Variants in STAG1 observed in about 807,000 individuals in gnomAD.
The protein encoded by STAG1 is cohesin subunit SA-1.
A neutral mutation model predicts 170.9 loss-of-function variants in STAG1; 26 were observed. That is an observed-to-expected ratio of 0.15 (90% CI 0.11 to 0.21). The LOEUF (loss-of-function observed/expected upper bound fraction) is 0.21. Among genes scored for constraint, STAG1 ranks in the 10% least tolerant of loss-of-function variants. The pLI, the probability that STAG1 is intolerant of heterozygous loss-of-function variation, is 1.00. For missense variants in STAG1, 964 were observed against 1,509.5 expected (o/e 0.64, Z 5.99); for synonymous variants, 514 against 497.7 (o/e 1.03, Z -0.44).
rs558731957 is a variant in STAG1 at position 136,406,329 on chromosome 3, T to C, written c.2197-7500A>G. 7.2e-5 allele frequency among the ~76,000 whole-genome samples: 11 copies of C among 152,306 alleles called. 1 individual carries two copies. In the South Asian group the frequency reaches 2.1e-3, roughly 29 times the overall value. ...GTTACATGCTGTATGATTTCATTTA[T>C]TTGGAAATCTTAGAAAGATGAAACT... On this transcript the variant is annotated intron_variant, in intron 21 of 33. Transcript: ENST00000383202.
chr3:136,720,867 C>A (rs967441979), intron 1 of STAG1, among the ~76,000 whole-genome samples: 25 of 152,096 alleles, frequency 1.6e-4, no homozygotes, highest in Non-Finnish European at 2.8e-4. Flanking sequence ...CACTTATATT[C>A]ATATTTCATA....
chr3:136,650,615 G>C (rs1382222777), intron 1 of STAG1, among the ~76,000 whole-genome samples: 1 of 152,160 alleles, frequency 6.6e-6, no homozygotes, highest in East Asian at 1.9e-4. Flanking sequence ...TGTTAGTCCA[G>C]GGAACTTAAG....
At chr3:136,591,854 C>G (rs1036415866) in intron 4 of STAG1, among the ~76,000 whole-genome samples, 4 of 152,154 alleles carry the variant, frequency 2.6e-5, no homozygotes, top group African/African-American at 9.7e-5. Flanking sequence ...TCATCTTAAC[C>G]TTTTCCTTTA....
At chr3:136,573,747 C>T (rs1327972857) in intron 4 of STAG1, among the ~76,000 whole-genome samples, 7 of 152,060 alleles carry the variant, frequency 4.6e-5, no homozygotes, top group African/African-American at 7.2e-5. Context: ...CCGAAGCGGG[C>T]GGATCACGAG....
intron 15 of STAG1, 50 bp from the exon 16 acceptor site, chr3:136,433,709 C>A: frequency 1.6e-6 from 2 of 1,257,638 alleles, no homozygotes; most frequent in Non-Finnish European, 1.1e-6. Flanking sequence ...TTACAACAAC[C>A]ATGTATTAAA....
intron 13 of STAG1, among the ~76,000 whole-genome samples, chr3:136,464,035 G>A (rs971644390): frequency 3.0e-4 from 45 of 150,860 alleles, no homozygotes; most frequent in Admixed American, 1.2e-3. Flanking sequence ...TCTCATTAAC[G>A]TTATGCTTTA....
chr3:136,499,762 C>T (rs184400317), intron 9 of STAG1: 1 of 150,976 alleles, frequency 6.6e-6, no homozygotes, highest in African/African-American at 2.4e-5. Flanking sequence ...AATGAAGATA[C>T]AGTTGTTGCA....
chr3:136,387,143 G>T (rs1421918021), intron 22 of STAG1, among the ~76,000 whole-genome samples: 1 of 152,174 alleles, frequency 6.6e-6, no homozygotes, highest in East Asian at 1.9e-4. Context: ...CCACTGGTTG[G>T]CAAACTTTTT....
chr3:136,737,634 G>T (rs775488393), intron 1 of STAG1, among the ~76,000 whole-genome samples: 1 of 152,142 alleles, frequency 6.6e-6, no homozygotes, highest in Non-Finnish European at 1.5e-5. Context: ...TAATGATACC[G>T]CTTACTATAT....
At chr3:136,608,048 G>A (rs1576661251) in intron 3 of STAG1, among the ~76,000 whole-genome samples, 1 of 152,300 alleles carries the variant, frequency 6.6e-6, no homozygotes, top group Middle Eastern at 3.4e-3. Context: ...CCTGAGATAA[G>A]GAGTTCTAGA....
Position 136,365,804 on chromosome 3 carries a change from TCA to T in STAG1, c.2685+1137_2685+1138del, listed in dbSNP as rs547822899. ...TTTAGAAAGGTTCAACATGCAAATA[TCA>T]CAGTCTATTTGGGTATCAATAATTA... On this transcript the variant is annotated intron_variant, in intron 25 of 33. Coordinates refer to ENST00000383202, the MANE Select transcript of STAG1 (RefSeq NM_005862.3). Among the ~76,000 whole-genome samples the T allele has an allele frequency of 3.1e-3, 479 of 152,236 alleles. 2 individuals carry two copies. Among genetic ancestry groups the T allele is most frequent in the Non-Finnish European group, 5.5e-3 (377 of 67,988 alleles).
At chr3:136,394,289 T>C (rs908269398) in intron 22 of STAG1, among the ~76,000 whole-genome samples, 3 of 152,230 alleles carry the variant, frequency 2.0e-5, no homozygotes, top group African/African-American at 4.8e-5. Flanking sequence ...TTTAAAATTA[T>C]AGACAGAACT....
chr3:136,395,985 C>T (rs2087136715), intron 22 of STAG1, among the ~76,000 whole-genome samples: 3 of 152,028 alleles, frequency 2.0e-5, no homozygotes, highest in Non-Finnish European at 1.5e-5. Context: ...CTCACTGCAA[C>T]CTCTAGCTCC....
In STAG1 at chr3:136,348,774, T is replaced by C. The variant is rs1936329619; in HGVS notation, c.3271+384A>G. The C allele has an allele frequency of 1.8e-5, 4 of 221,650 alleles. No homozygotes were observed. The South Asian group carries it at 2.6e-4, about 14-fold the overall frequency. 13.7% of individuals were successfully genotyped at this position (221,650 alleles called of 1,614,324 possible). A position where few individuals can be genotyped will look rare whatever the true frequency, so the allele number is the denominator to read the frequency against. On this transcript the variant is annotated intron_variant, in intron 29 of 33. Coordinates refer to ENST00000383202, the MANE Select transcript of STAG1 (RefSeq NM_005862.3). ...AAAACAACTATTCTGGTATATTCAATTTGCTGCAGAAATCTACCCTCAAAT... is the reference window on the plus strand; with the variant it reads ...AAAACAACTATTCTGGTATATTCAACTTGCTGCAGAAATCTACCCTCAAAT...
intron 1 of STAG1, chr3:136,736,570 T>C (rs1934345999): frequency 6.6e-7 from 1 of 1,517,286 alleles, no homozygotes; most frequent in Non-Finnish European, 9.1e-7. Context: ...CCCTTTGTAT[T>C]GGCTTGGAAG....
chr3:136,536,968 C>T (rs1231723172), intron 6 of STAG1, among the ~76,000 whole-genome samples: 1 of 152,190 alleles, frequency 6.6e-6, no homozygotes, highest in East Asian at 1.9e-4. Context: ...TACTATTCAA[C>T]ATTTGCTCTT....
At chr3:136,524,738 T>C (rs1445677757) in intron 6 of STAG1, among the ~76,000 whole-genome samples, 3 of 152,302 alleles carry the variant, frequency 2.0e-5, no homozygotes, top group East Asian at 3.9e-4. Flanking sequence ...GGGTTTGTCA[T>C]AGATAGCTCT....
intron 21 of STAG1, among the ~76,000 whole-genome samples, chr3:136,410,277 G>A (rs1311631885): frequency 3.3e-5 from 5 of 151,664 alleles, no homozygotes; most frequent in African/African-American, 1.2e-4. Context: ...GCGGGCTCCT[G>A]TAATCCCAGC....
chr3:136,601,252 C>T (rs1247389843), intron 4 of STAG1, among the ~76,000 whole-genome samples: 1 of 151,914 alleles, frequency 6.6e-6, no homozygotes, highest in African/African-American at 2.4e-5. Context: ...TTAGGAAGTA[C>T]TGCCAAAATA....
Sources: allele counts gnomAD v4.1 joint callset (sites outside exome capture counted in the v4.1 genomes callset), GRCh38; gene constraint gnomAD v4.1.1; transcripts MANE v1.5; gene names NCBI Gene and HGNC (gene_info 2026-07-23, HGNC 2026-07-21).